The following COL14A1 variants were observed in gnomAD, a reference collection of about 807,000 sequenced individuals.
COL14A1 encodes the protein collagen alpha-1(XIV) chain.
A neutral mutation model predicts 230.3 loss-of-function variants in COL14A1; 136 were observed. That is an observed-to-expected ratio of 0.59 (90% CI 0.51 to 0.68). COL14A1 has a LOEUF of 0.68. Among genes scored for constraint, COL14A1 ranks in the 30% least tolerant of loss-of-function variants. COL14A1 has a pLI of 0.00. For missense variants in COL14A1, 1,976 were observed against 2,215.8 expected, an observed-to-expected ratio of 0.89 and a Z score of 2.17; for synonymous variants, 792 against 784.1, an observed-to-expected ratio of 1.01 and a Z score of -0.17.
chr8:120,260,772 A>G (rs991483965), intron 23 of COL14A1, among the ~76,000 whole-genome samples: 2 of 152,336 alleles, frequency 1.3e-5, no homozygotes, highest in East Asian at 3.9e-4. Context: ...AAAGCCACCC[A>G]AGTAGGCTCT....
chr8:120,207,473 A>G (rs1163876723), intron 10 of COL14A1, among the ~76,000 whole-genome samples: 2 of 152,130 alleles, frequency 1.3e-5, no homozygotes, highest in Non-Finnish European at 2.9e-5. Context: ...TAAGTCTGTG[A>G]ATTCCAAAGT....
intron 14 of COL14A1, among the ~76,000 whole-genome samples, chr8:120,219,875 A>G (rs756382254): frequency 6.6e-6 from 1 of 152,210 alleles, no homozygotes; most frequent in Non-Finnish European, 1.5e-5. Context: ...TGGTAAAACC[A>G]AACTTAAAAT....
intron 34 of COL14A1, among the ~76,000 whole-genome samples, chr8:120,292,137 T>C (rs1820394288): frequency 6.6e-6 from 1 of 152,164 alleles, no homozygotes; most frequent in Admixed American, 6.5e-5. Context: ...ACAATGATAG[T>C]TTTACAATTG....
chr8:120,125,259 C>T lies in COL14A1; in HGVS notation c.-119C>T, dbSNP rs946526367. ...GAAGAGAGCAAGGGCGGTGCGCCGCCAAGGACCAACTAGCGGCGGAGCTTC... is the reference window on the plus strand; with the variant it reads ...GAAGAGAGCAAGGGCGGTGCGCCGCTAAGGACCAACTAGCGGCGGAGCTTC... On this transcript the variant is annotated 5_prime_UTR_variant, in exon 1 of 48. Coordinates refer to ENST00000297848, the MANE Select transcript of COL14A1 (RefSeq NM_021110.4). 1.3e-5 allele frequency: 2 copies of T among 152,366 alleles called. No homozygotes were observed. The highest frequency in any genetic ancestry group is 1.9e-4 in the East Asian group (1 of 5,174). The allele number at this position is 152,366 out of a possible 1,614,324, so 9.4% of individuals were successfully genotyped here. A position where few individuals can be genotyped will look rare whatever the true frequency, so the allele number is the denominator to read the frequency against.
chr8:120,365,618 C>T (rs1443920913), intron 45 of COL14A1, among the ~76,000 whole-genome samples: 1 of 152,220 alleles, frequency 6.6e-6, no homozygotes, highest in African/African-American at 2.4e-5. Context: ...AGCAATTGAG[C>T]ATTAAATATT....
chr8:120,371,232 T>A lies in COL14A1; in HGVS notation c.*1T>A. 1 of 1,609,018 alleles carries A rather than the reference T, an allele frequency of 6.2e-7. No homozygotes were observed. The highest frequency in any genetic ancestry group is 1.3e-5 in the African/African-American group (1 of 74,858). ...GGAACTGTGGGGCCCTGGAGTCTGA[T>A]AGCCTCAGGAGAAATTTGAAGACCA... is the stretch of plus-strand genomic sequence containing the variant. On this transcript the variant is annotated 3_prime_UTR_variant, in exon 48 of 48. Coordinates refer to ENST00000297848, the MANE Select transcript of COL14A1 (RefSeq NM_021110.4).
At chr8:120,228,117 G>C (rs1818153749) in intron 17 of COL14A1, among the ~76,000 whole-genome samples, 1 of 152,126 alleles carries the variant, frequency 6.6e-6, no homozygotes, top group South Asian at 2.1e-4. Flanking sequence ...GTCGCTGGAG[G>C]TGAGCCATTC....
At position 120,271,349 on chromosome 8, in the gene COL14A1, C is replaced by A. The variant is rs992937380; in HGVS notation, c.3213+1175C>A. ...CTTGCAATTTATCTCTCTAACAAAC[C>A]TGCACATGTTCCCCTAAACCTAAAA... On this transcript the variant is annotated intron_variant, in intron 26 of 47. Coordinates refer to ENST00000297848, the MANE Select transcript of COL14A1 (RefSeq NM_021110.4). Among the ~76,000 whole-genome samples, 4 of 151,036 alleles carry A rather than the reference C, an allele frequency of 2.6e-5. No homozygotes were observed. The Admixed American group carries it at 2.6e-4, about 10-fold the overall frequency.
chr8:120,335,838 C>T (rs948600256), intron 42 of COL14A1, among the ~76,000 whole-genome samples: 14 of 152,260 alleles, frequency 9.2e-5, no homozygotes, highest in South Asian at 4.1e-4. Flanking sequence ...ATAAAGCACA[C>T]GAACGAAGGA....
intron 28 of COL14A1, among the ~76,000 whole-genome samples, chr8:120,279,562 A>G (rs539162914): frequency 6.6e-6 from 1 of 152,164 alleles, no homozygotes; most frequent in South Asian, 2.1e-4. Flanking sequence ...GAAAAAAAAA[A>G]AAAAAACTGA....
intron 45 of COL14A1, among the ~76,000 whole-genome samples, chr8:120,357,236 G>T (rs1823018994): frequency 6.6e-6 from 1 of 152,162 alleles, no homozygotes; most frequent in Non-Finnish European, 1.5e-5. Flanking sequence ...TCATCTGAAG[G>T]CTCGACTGGA....
rs868659296 is a variant in COL14A1, at chr8:120,345,135, A to G, written c.4889-240A>G. Among the ~76,000 whole-genome samples the G allele has an allele frequency of 2.6e-5, 4 of 152,232 alleles. 1 individual carries two copies. The highest frequency in any genetic ancestry group is 2.1e-4 in the South Asian group (1 of 4,830). On this transcript the variant is annotated intron_variant, in intron 44 of 47. Coordinates refer to ENST00000297848, the MANE Select transcript of COL14A1 (RefSeq NM_021110.4). Reference sequence around the variant, plus strand: ...CAGTGATGTTTATTGAGATGCTGACATGAGCTGCAGAATTCCAAACACATG... The same window carrying G: ...CAGTGATGTTTATTGAGATGCTGACGTGAGCTGCAGAATTCCAAACACATG...
intron 44 of COL14A1, among the ~76,000 whole-genome samples, chr8:120,343,849 A>G (rs564374426): frequency 6.6e-6 from 1 of 152,200 alleles, no homozygotes; most frequent in East Asian, 1.9e-4. Context: ...CAAGTGTACA[A>G]TGTAAATGAG....
intron 26 of COL14A1, among the ~76,000 whole-genome samples, chr8:120,271,313 A>G (rs777246625): frequency 2.6e-5 from 4 of 151,528 alleles, no homozygotes; most frequent in African/African-American, 9.7e-5. Flanking sequence ...TCTGTGCATC[A>G]TATCCCATGA....
chr8:120,156,343 AT>A (rs1172519280), intron 2 of COL14A1, among the ~76,000 whole-genome samples: 2 of 151,964 alleles, frequency 1.3e-5, no homozygotes, highest in Admixed American at 6.6e-5. Context: ...CTAATTCTGT[AT>A]TTTTAGTAGA....
intron 42 of COL14A1, among the ~76,000 whole-genome samples, chr8:120,336,596 C>T (rs1350671571): frequency 2.0e-5 from 3 of 152,140 alleles, no homozygotes; most frequent in Non-Finnish European, 2.9e-5. Context: ...GTGCAACTCC[C>T]TCGTGTCACT....
At chr8:120,124,454 A>G (rs1468338017), upstream of COL14A1, among the ~76,000 whole-genome samples, 2 of 152,200 alleles carry the variant, frequency 1.3e-5, no homozygotes, top group Non-Finnish European at 2.9e-5. Flanking sequence ...TCCTTAAACC[A>G]GAATCTCTGC....
rs770285950 is a variant in COL14A1 at position 120,231,644 on chromosome 8, A to G, written c.2349+26A>G. 5.0e-6 allele frequency: 8 copies of G among 1,607,436 alleles called. No homozygotes were observed. In the South Asian group the frequency reaches 8.9e-5, roughly 18 times the overall value. On this transcript the variant is annotated intron_variant, in intron 19 of 47. Transcript: ENST00000297848. ...GTCTGTATAAATTCAACTGACTAGA[A>G]ACTCTGCAGATGTTACTAACACAGC...
chr8:120,280,169 TGAG>T, intron 29 of COL14A1, 70 bp downstream of exon 29: 1 of 1,517,330 alleles, frequency 6.6e-7, no homozygotes. Context: ...GGTTAAATAG[TGAG>T]TCCGATCTAG....
Sources: allele counts gnomAD v4.1 joint callset (sites outside exome capture counted in the v4.1 genomes callset), GRCh38; gene constraint gnomAD v4.1.1; transcripts MANE v1.5; gene names NCBI Gene and HGNC (gene_info 2026-07-23, HGNC 2026-07-21).